COG3: variants seen among roughly 807,000 people sequenced by gnomAD.
The protein encoded by COG3 is conserved oligomeric Golgi complex subunit 3.
Under a neutral mutation model 114.1 loss-of-function variants are expected in COG3, and 32 were observed. The ratio of observed to expected loss-of-function variants is 0.28; its 90% confidence interval spans 0.21 to 0.38. The LOEUF is 0.38. COG3 is among the 10% of genes least tolerant of loss of function. The probability of loss-of-function intolerance (pLI) is 1.00; values close to 1 mark genes in which losing one functional copy is unlikely to be tolerated. For missense variants in COG3, 813 were observed against 973.2 expected (o/e 0.84, Z 2.19); for synonymous variants, 352 against 365.7 (o/e 0.96, Z 0.43).
At chr13:45,481,180 G>T in intron 4 of COG3, 50 bp from the exon 5 acceptor site, 1 of 1,012,764 alleles carries the variant, frequency 9.9e-7, no homozygotes, top group South Asian at 1.4e-5. Flanking sequence ...CTGGCATGTT[G>T]ATTCTTATAT....
intron 22 of COG3, among the ~76,000 whole-genome samples, chr13:45,532,615 G>A (rs1424003990): frequency 3.7e-5 from 5 of 134,752 alleles, no homozygotes; most frequent in Admixed American, 1.6e-4. Context: ...TGTCACCCAG[G>A]CTGGAGTGCA....
At chr13:45,518,122 T>G (rs898736921) in intron 17 of COG3, among the ~76,000 whole-genome samples, 1 of 152,234 alleles carries the variant, frequency 6.6e-6, no homozygotes, top group Non-Finnish European at 1.5e-5. Context: ...AAACCAGGGT[T>G]ACAAGCATTT....
chr13:45,512,978 A>G (rs1593733661), intron 16 of COG3, among the ~76,000 whole-genome samples: 1 of 90,690 alleles, frequency 1.1e-5, no homozygotes, highest in African/African-American at 4.1e-5. Context: ...CTTCTCCCAC[A>G]GACCCTGAGA....
chr13:45,512,249 A>G (rs1870947102), intron 16 of COG3, among the ~76,000 whole-genome samples: 1 of 152,206 alleles, frequency 6.6e-6, no homozygotes, highest in Non-Finnish European at 1.5e-5. Context: ...CATGGAGGAA[A>G]TGAGTCAGTC....
At chr13:45,484,184 C>T (rs1172187784) in intron 7 of COG3, among the ~76,000 whole-genome samples, 1 of 152,152 alleles carries the variant, frequency 6.6e-6, no homozygotes, top group Non-Finnish European at 1.5e-5. Context: ...GTTTGGCTTG[C>T]ATTTTTACCG....
intron 12 of COG3, among the ~76,000 whole-genome samples, chr13:45,494,325 TAAAAAAA>T (rs756763419): frequency 8.5e-6 from 1 of 117,042 alleles, no homozygotes; most frequent in Non-Finnish European, 1.8e-5. Context: ...GACTCTGTCT[TAAAAAAA>T]AAAAAAAAAA....
At chr13:45,508,403 T>TATACAC (rs1352468701) in intron 14 of COG3, among the ~76,000 whole-genome samples, 10 of 133,034 alleles carry the variant, frequency 7.5e-5, no homozygotes, top group South Asian at 2.2e-4. Flanking sequence ...TATATATATA[T>TATACAC]ACACACACAC....
Position 45,503,361 on chromosome 13 carries a change from T to C in COG3, c.1594+12T>C. 2 of 1,271,084 alleles carry C rather than the reference T, an allele frequency of 1.6e-6. No homozygotes were observed. 78.7% of individuals were successfully genotyped at this position (1,271,084 alleles called of 1,614,324 possible). ...TCTGACAAAATCTGGTATGTTATGA[T>C]GTCTTAACTGCCAGCATTTATTCAT... On this transcript the variant is annotated intron_variant, in intron 14 of 22. Coordinates refer to ENST00000349995, the MANE Select transcript of COG3 (RefSeq NM_031431.4).
intron 1 of COG3, among the ~76,000 whole-genome samples, chr13:45,469,273 C>T (rs1041161509): frequency 3.9e-5 from 6 of 152,134 alleles, no homozygotes; most frequent in African/African-American, 1.4e-4. Context: ...AGTAGTTTCT[C>T]AAGTAGAGTT....
intron 11 of COG3, 148 bp from the exon 12 acceptor site, chr13:45,493,199 C>T (rs977622693): frequency 1.7e-5 from 10 of 580,408 alleles, no homozygotes; most frequent in Non-Finnish European, 2.9e-5. Context: ...TCAGCTTTTC[C>T]CTTATCATTC....
chr13:45,483,640 TTCTA>T (rs1433596889), intron 7 of COG3, among the ~76,000 whole-genome samples: 3 of 152,322 alleles, frequency 2.0e-5, no homozygotes, highest in African/African-American at 4.8e-5. Context: ...AACATTCCTT[TTCTA>T]TCTTTTTCAT....
At chr13:45,510,017 G>A (rs1870685049) in intron 15 of COG3, among the ~76,000 whole-genome samples, 1 of 152,088 alleles carries the variant, frequency 6.6e-6, no homozygotes, top group Non-Finnish European at 1.5e-5. Context: ...AATGGGCTTT[G>A]GGGAGTCTAT....
chr13:45,469,250 C>T lies in COG3; in HGVS notation c.174+4040C>T, dbSNP rs187957605. Among the ~76,000 whole-genome samples the T allele has an allele frequency of 2.1e-3, 317 of 152,212 alleles. 3 individuals carry two copies. The East Asian group carries it at 0.036, about 17-fold the overall frequency. ...CTCACATCTAGGTTACAGAACATAT[C>T]TGGAATATCTATAGTAGTTTCTCAA... is the stretch of plus-strand genomic sequence containing the variant. On this transcript the variant is annotated intron_variant, in intron 1 of 22. Transcript: ENST00000349995.
chr13:45,520,058 C>T (rs932120421), intron 19 of COG3, among the ~76,000 whole-genome samples: 13 of 152,102 alleles, frequency 8.5e-5, no homozygotes, highest in Admixed American at 5.2e-4. Flanking sequence ...ACAGGAGGAT[C>T]GCTCGAGCCC....
chr13:45,480,677 TGCCTCA>T (rs1224058105), intron 4 of COG3, among the ~76,000 whole-genome samples: 1 of 152,222 alleles, frequency 6.6e-6, no homozygotes, highest in African/African-American at 2.4e-5. Flanking sequence ...GCGATTCTCC[TGCCTCA>T]GCCTCCCAAG....
intron 5 of COG3, among the ~76,000 whole-genome samples, chr13:45,482,176 CTG>C (rs1301485981): frequency 6.6e-6 from 1 of 152,110 alleles, no homozygotes; most frequent in Non-Finnish European, 1.5e-5. Flanking sequence ...TAGGAATAAA[CTG>C]AATTAAATCA....
Position 45,536,015 on chromosome 13 carries a change from G to GTATGCACCC in COG3, c.*1285_*1286insATGCACCCT. Reference sequence around the variant, plus strand: ...CGTACTGAGGCAGCACTTCTGCAGGGTGCATACCCTGATTGTTGTCATTTG... The same window carrying GTATGCACCC: ...CGTACTGAGGCAGCACTTCTGCAGGGTATGCACCCTGCATACCCTGATTGTTGTCATTTG... On this transcript the variant is annotated 3_prime_UTR_variant, in exon 23 of 23. Transcript: ENST00000349995. The GTATGCACCC allele has an allele frequency of 8.5e-6, 2 of 235,674 alleles. No homozygotes were observed. Among genetic ancestry groups the GTATGCACCC allele is most frequent in the Non-Finnish European group, 7.0e-6 (1 of 142,866 alleles). 14.6% of individuals were successfully genotyped at this position (235,674 alleles called of 1,614,324 possible). A position where few individuals can be genotyped will look rare whatever the true frequency, so the allele number is the denominator to read the frequency against.
chr13:45,513,021 C>G (rs555751798), intron 16 of COG3, among the ~76,000 whole-genome samples: 1 of 150,416 alleles, frequency 6.6e-6, no homozygotes. Context: ...AGAGCATGTT[C>G]AAAAGTGTTG....
At position 45,475,094 on chromosome 13, in the gene COG3, A is replaced by G. The variant is rs528358351; in HGVS notation, c.175-1107A>G. Among the ~76,000 whole-genome samples, 17 of 152,356 alleles carry G rather than the reference A, an allele frequency of 1.1e-4. No individual in the cohort carries two copies. The South Asian group carries it at 3.3e-3, about 30-fold the overall frequency. ...GAAAACTCTAAAATTCTTCCTATTC[A>G]GTTTTAATTTCAAAATTTGTCAGCA... On this transcript the variant is annotated intron_variant, in intron 1 of 22. Transcript: ENST00000349995.
Sources: allele counts gnomAD v4.1 joint callset (sites outside exome capture counted in the v4.1 genomes callset), GRCh38; gene constraint gnomAD v4.1.1; transcripts MANE v1.5; gene names NCBI Gene and HGNC (gene_info 2026-07-23, HGNC 2026-07-21).